The following RNF152 variants were observed in gnomAD, a reference collection of about 807,000 sequenced individuals.
The protein encoded by RNF152 is ring finger protein 152, also known as E3 ubiquitin-protein ligase RNF152.
A neutral mutation model predicts 12.7 loss-of-function variants in RNF152; 11 were observed. The observed-to-expected ratio is 0.86, with a 90% CI of 0.54 to 1.43. The LOEUF is 1.43. RNF152 is among the 40% of genes most tolerant of loss of function. The pLI is 0.00. For missense variants in RNF152, 255 were observed against 274.8 expected (o/e 0.93, Z 0.51); for synonymous variants, 113 against 120.3 (o/e 0.94, Z 0.40).
chr18:61,884,204 A>G (rs530306419), intron 1 of RNF152, among the ~76,000 whole-genome samples: 13 of 148,254 alleles, frequency 8.8e-5, no homozygotes, highest in Non-Finnish European at 1.8e-4. Flanking sequence ...CACTAACTCA[A>G]TGAGGTCGGT....
At chr18:61,879,672 A>G (rs916388966) in intron 1 of RNF152, among the ~76,000 whole-genome samples, 2 of 152,080 alleles carry the variant, frequency 1.3e-5, no homozygotes, top group African/African-American at 4.8e-5. Flanking sequence ...TTGTAAAAAC[A>G]TTTTTTTGAG....
chr18:61,839,860 G>A (rs1910374479), intron 1 of RNF152, among the ~76,000 whole-genome samples: 2 of 152,176 alleles, frequency 1.3e-5, no homozygotes, highest in African/African-American at 2.4e-5. Context: ...GTGCCTGTGT[G>A]CTTTTGATAT....
At chr18:61,824,337 T>A (rs1331211452) in intron 1 of RNF152, among the ~76,000 whole-genome samples, 3 of 152,218 alleles carry the variant, frequency 2.0e-5, no homozygotes, top group African/African-American at 4.8e-5. Context: ...CACCTTCTAG[T>A]AAAAATATTC....
At chr18:61,864,791 C>T (rs753222817) in intron 1 of RNF152, among the ~76,000 whole-genome samples, 12 of 152,086 alleles carry the variant, frequency 7.9e-5, no homozygotes, top group Non-Finnish European at 1.5e-4. Context: ...TCACGCCTGC[C>T]GAGGCAGGTG....
Position 61,884,716 on chromosome 18 carries a change from T to C in RNF152, c.-136+8079A>G, listed in dbSNP as rs1324586170. ...CTAGGATTACAGGTGCCCACCACCA[T>C]GCCTGCCTAATTTGTATCTTTTAGT... On this transcript the variant is annotated intron_variant, in intron 1 of 1. Coordinates refer to ENST00000312828, the MANE Select transcript of RNF152 (RefSeq NM_173557.3). 2.0e-5 allele frequency among the ~76,000 whole-genome samples: 3 copies of C among 152,182 alleles called. No individual in the cohort carries two copies. The East Asian group carries it at 5.8e-4, about 29-fold the overall frequency.
At chr18:61,840,418 C>T (rs1465287176) in intron 1 of RNF152, among the ~76,000 whole-genome samples, 1 of 152,142 alleles carries the variant, frequency 6.6e-6, no homozygotes, top group Non-Finnish European at 1.5e-5. Flanking sequence ...CCCAGAACCC[C>T]AAGGGGCTGT....
intron 1 of RNF152, among the ~76,000 whole-genome samples, chr18:61,879,308 T>C (rs972587027): frequency 6.6e-6 from 1 of 152,232 alleles, no homozygotes; most frequent in Admixed American, 6.5e-5. Context: ...GCATTTACAT[T>C]GTATTAGGCT....
intron 1 of RNF152, among the ~76,000 whole-genome samples, chr18:61,856,568 A>AGG: frequency 6.6e-6 from 1 of 152,342 alleles, no homozygotes; most frequent in South Asian, 2.1e-4. Flanking sequence ...CTCAGATCCA[A>AGG]GGATGGCTAT....
intron 1 of RNF152, among the ~76,000 whole-genome samples, chr18:61,842,458 G>A (rs990918790): frequency 5.3e-5 from 8 of 152,194 alleles, no homozygotes; most frequent in Non-Finnish European, 1.0e-4. Flanking sequence ...TCACACCCAA[G>A]CGAGTTGTCA....
chr18:61,857,694 TAAACAAACAAAC>T (rs111801758), intron 1 of RNF152, among the ~76,000 whole-genome samples: 6 of 151,848 alleles, frequency 4.0e-5, no homozygotes, highest in South Asian at 2.1e-4. Flanking sequence ...CACCAGTCAT[TAAACAAACAAAC>T]AAACAAACAA....
rs965423444 is a variant in RNF152 at position 61,813,089 on chromosome 18, T to A, written c.*2763A>T. ...GTGCTTTCCAGTTGTGACTTTTCATTAATGTGCAAGTATGAATCCTGGCCT... is the reference window on the plus strand; with the variant it reads ...GTGCTTTCCAGTTGTGACTTTTCATAAATGTGCAAGTATGAATCCTGGCCT... On this transcript the variant is annotated 3_prime_UTR_variant, in exon 2 of 2. Transcript: ENST00000312828. The A allele has an allele frequency of 2.6e-5, 4 of 152,220 alleles. No homozygotes were observed. Among genetic ancestry groups the A allele is most frequent in the Admixed American group, 6.5e-5 (1 of 15,286 alleles). 9.4% of individuals were successfully genotyped at this position (152,220 alleles called of 1,614,324 possible). A position where few individuals can be genotyped will look rare whatever the true frequency, so the allele number is the denominator to read the frequency against.
At chr18:61,860,941 T>A (rs1386705524) in intron 1 of RNF152, among the ~76,000 whole-genome samples, 1 of 152,120 alleles carries the variant, frequency 6.6e-6, no homozygotes, top group Non-Finnish European at 1.5e-5. Context: ...ATTTTACAAA[T>A]AAAAAAAGCT....
At chr18:61,888,252 TGCA>T (rs1228821954) in intron 1 of RNF152, 3 of 152,210 alleles carry the variant, frequency 2.0e-5, no homozygotes, top group Non-Finnish European at 4.4e-5. Flanking sequence ...CCAAAGGAGA[TGCA>T]GGTCACAGAT....
intron 1 of RNF152, among the ~76,000 whole-genome samples, chr18:61,844,179 GAGGAAGGA>G (rs1214748117): frequency 1.6e-5 from 1 of 63,576 alleles, no homozygotes; most frequent in Non-Finnish European, 4.7e-5. Flanking sequence ...GGGAGGAAGA[GAGGAAGGA>G]AGGAAGGGAA....
chr18:61,839,680 G>A (rs1910356992), intron 1 of RNF152, among the ~76,000 whole-genome samples: 1 of 152,088 alleles, frequency 6.6e-6, no homozygotes, highest in Non-Finnish European at 1.5e-5. Flanking sequence ...CGGATCACAA[G>A]GTCGGGAGAT....
At chr18:61,850,575 C>G (rs1464798693) in intron 1 of RNF152, among the ~76,000 whole-genome samples, 3 of 152,180 alleles carry the variant, frequency 2.0e-5, no homozygotes, top group Admixed American at 6.5e-5. Flanking sequence ...GAGGCAGACT[C>G]AAGCTCCATA....
In RNF152 at chr18:61,814,610, G is replaced by C. The variant is rs534638698; in HGVS notation, c.*1242C>G. On this transcript the variant is annotated 3_prime_UTR_variant, in exon 2 of 2. Coordinates refer to ENST00000312828, the MANE Select transcript of RNF152 (RefSeq NM_173557.3). The stretch of plus-strand genomic sequence containing the variant: ...GGAATTTGAGCTGTTAGTTTACCTT[G>C]CCACCTTTCTTGGTAAAAACGTGTT... 18 of 152,288 alleles carry C rather than the reference G, an allele frequency of 1.2e-4. No individual in the cohort carries two copies. The highest frequency in any genetic ancestry group is 4.3e-4 in the African/African-American group (18 of 41,568). The allele number at this position is 152,288 out of a possible 1,614,324, so 9.4% of individuals were successfully genotyped here. A position where few individuals can be genotyped will look rare whatever the true frequency, so the allele number is the denominator to read the frequency against.
At chr18:61,890,421 T>C (rs1159028978) in intron 1 of RNF152, 1 of 152,266 alleles carries the variant, frequency 6.6e-6, no homozygotes, top group East Asian at 1.9e-4. Flanking sequence ...TCCTTCCCGA[T>C]GCTGCAATGA....
chr18:61,838,017 AAC>A (rs5825466), intron 1 of RNF152, among the ~76,000 whole-genome samples: 40,460 of 152,032 alleles, frequency 0.27, 6,165 homozygotes, highest in Non-Finnish European at 0.35. Flanking sequence ...CTTTTGAAGA[AAC>A]ACACACATGG....
Sources: gnomAD v4.1 joint callset for allele counts (sites outside exome capture counted in the v4.1 genomes callset) on GRCh38, gnomAD v4.1.1 for gene constraint, MANE v1.5 for transcripts, NCBI Gene and HGNC (gene_info 2026-07-23, HGNC 2026-07-21) for gene names.